Variants in TRPM3 observed in about 807,000 individuals in gnomAD.
The protein encoded by TRPM3 is transient receptor potential cation channel subfamily M member 3, also known as long transient receptor potential channel 3.
In TRPM3, 77 loss-of-function variants were observed where a neutral mutation model predicts 181.2. The observed-to-expected ratio is 0.42, with a 90% confidence interval of 0.35 to 0.51. The LOEUF (loss-of-function observed/expected upper bound fraction) is 0.51, where lower values mean the gene tolerates loss of function less well. Among genes scored for constraint, TRPM3 ranks in the 20% least tolerant of loss-of-function variants. The probability of loss-of-function intolerance (pLI) is 0.01; values close to 1 mark genes in which losing one functional copy is unlikely to be tolerated. For synonymous variants in TRPM3, 745 were observed against 796.4 expected, an observed-to-expected ratio of 0.94 and a Z score of 1.09; for missense variants, 1,759 against 2,196.7, an observed-to-expected ratio of 0.80 and a Z score of 3.98.
At chr9:71,051,098 C>T (rs1214220410) in intron 1 of TRPM3, among the ~76,000 whole-genome samples, 1 of 152,166 alleles carries the variant, frequency 6.6e-6, no homozygotes, top group East Asian at 1.9e-4. Context: ...CTGGGCTAAA[C>T]ACTGGGTTTC....
At chr9:71,184,824 G>A (rs2077586783) in intron 1 of TRPM3, among the ~76,000 whole-genome samples, 1 of 152,072 alleles carries the variant, frequency 6.6e-6, no homozygotes, top group Admixed American at 6.6e-5. Flanking sequence ...TTAATTTCAT[G>A]TGTTGCTTAG....
At chr9:71,381,697 A>T (rs975882628) in intron 1 of TRPM3, among the ~76,000 whole-genome samples, 1 of 152,148 alleles carries the variant, frequency 6.6e-6, no homozygotes, top group African/African-American at 2.4e-5. Flanking sequence ...AGGCTCAGAG[A>T]AGTTAAATGT....
Position 71,227,375 on chromosome 9 carries a change from G to GT in TRPM3, c.183+219277dup, listed in dbSNP as rs530305943. 3.5e-3 allele frequency among the ~76,000 whole-genome samples: 529 copies of GT among 151,994 alleles called. 3 individuals carry two copies. Among genetic ancestry groups the GT allele is most frequent in the African/African-American group, 0.012 (495 of 41,498 alleles). ...AAAACTAAGAGGAAAGTTTATAGCT[G>GT]TAAGTCCCTACACTGAAAAATAAGA... On this transcript the variant is annotated intron_variant, in intron 1 of 24. Transcript: ENST00000357533.
chr9:70,620,278 G>C lies in TRPM3; in HGVS notation c.1927C>G (p.His643Asp). The change falls in exon 16 of 26, where the codon CAC becomes GAC. Residue 643 changes from histidine (H) to aspartate (D), a missense_variant. Physicochemically the swap from His to Asp is moderately conservative, Grantham distance 81. Coordinates refer to ENST00000677713, the MANE Select transcript of TRPM3 (RefSeq NM_001366145.2). ...DIDLDDPEIN[H>D]FPFPFHELMV... ...AGCTCATGGAAAGGGAAGGGGAAGTGGTTGATCTCAGGATCATCCAAGTCA... is the reference window on the plus strand; with the variant it reads ...AGCTCATGGAAAGGGAAGGGGAAGTCGTTGATCTCAGGATCATCCAAGTCA... 1 of 1,614,212 alleles carries C rather than the reference G, an allele frequency of 6.2e-7. No homozygotes were observed. The highest frequency in any genetic ancestry group is 8.5e-7 in the Non-Finnish European group (1 of 1,180,038).
intron 1 of TRPM3, among the ~76,000 whole-genome samples, chr9:70,954,575 C>T (rs1303599616): frequency 6.6e-6 from 1 of 152,052 alleles, no homozygotes; most frequent in Non-Finnish European, 1.5e-5. Flanking sequence ...ATCGATAGTG[C>T]AACCCCTAAT....
chr9:71,201,413 G>A, intron 1 of TRPM3, among the ~76,000 whole-genome samples: 1 of 152,122 alleles, frequency 6.6e-6, no homozygotes. Flanking sequence ...GAATCTGAAT[G>A]TTGGCCTACC....
chr9:70,928,094 A>G (rs2096739436), intron 1 of TRPM3, among the ~76,000 whole-genome samples: 1 of 152,196 alleles, frequency 6.6e-6, no homozygotes, highest in African/African-American at 2.4e-5. Context: ...GTAATAGGGA[A>G]AAATGAAAGG....
intron 1 of TRPM3, among the ~76,000 whole-genome samples, chr9:71,385,416 T>G (rs1012960738): frequency 3.3e-5 from 5 of 152,208 alleles, no homozygotes; most frequent in Non-Finnish European, 7.3e-5. Context: ...TAAACTGGCT[T>G]GAGACATCTT....
At chr9:71,199,943 T>C (rs1025191346) in intron 1 of TRPM3, among the ~76,000 whole-genome samples, 3 of 152,224 alleles carry the variant, frequency 2.0e-5, no homozygotes, top group African/African-American at 7.2e-5. Flanking sequence ...CTTGCTTTTC[T>C]AGTTCTTTTA....
chr9:70,665,072 G>A (rs1167134776), intron 9 of TRPM3, among the ~76,000 whole-genome samples: 1 of 152,146 alleles, frequency 6.6e-6, no homozygotes, highest in Non-Finnish European at 1.5e-5. Flanking sequence ...ACAGGTCAGG[G>A]CTGGCTGACA....
chr9:71,420,519 AAGAG>A (rs992286864), intron 1 of TRPM3, among the ~76,000 whole-genome samples: 3 of 151,568 alleles, frequency 2.0e-5, no homozygotes, highest in African/African-American at 4.8e-5. Flanking sequence ...AAGAAAGAAA[AAGAG>A]AAAGAGAAAG....
chr9:71,063,107 C>T (rs1382841734), intron 1 of TRPM3, among the ~76,000 whole-genome samples: 3 of 152,086 alleles, frequency 2.0e-5, no homozygotes, highest in Non-Finnish European at 4.4e-5. Flanking sequence ...TATCTCCTAT[C>T]TCTAGAATCC....
intron 6 of TRPM3, among the ~76,000 whole-genome samples, chr9:70,814,552 T>G: frequency 6.6e-6 from 1 of 152,214 alleles, no homozygotes; most frequent in East Asian, 1.9e-4. Context: ...AATGTAAGCA[T>G]CAAATGTATT....
At chr9:71,373,869 A>C (rs1032593913) in intron 1 of TRPM3, among the ~76,000 whole-genome samples, 2 of 152,216 alleles carry the variant, frequency 1.3e-5, no homozygotes, top group Non-Finnish European at 2.9e-5. Flanking sequence ...TTGATGCAAA[A>C]ATCCCCACTA....
chr9:71,413,014 C>A lies in TRPM3; in HGVS notation c.183+33639G>T, dbSNP rs554090190. Reference sequence around the variant, plus strand: ...ATCACAAGGACAGAAAACCAAACACCGCATGTTCTCACTCATAGGTGGGAA... The same window carrying A: ...ATCACAAGGACAGAAAACCAAACACAGCATGTTCTCACTCATAGGTGGGAA... On this transcript the variant is annotated intron_variant, in intron 1 of 24. Coordinates refer to the TRPM3 transcript ENST00000357533. 1.2e-4 allele frequency among the ~76,000 whole-genome samples: 18 copies of A among 152,184 alleles called. No individual in the cohort carries two copies. In the South Asian group the frequency reaches 3.5e-3, roughly 30 times the overall value.
intron 1 of TRPM3, among the ~76,000 whole-genome samples, chr9:70,929,942 T>C (rs2096759298): frequency 6.6e-6 from 1 of 152,222 alleles, no homozygotes; most frequent in Non-Finnish European, 1.5e-5. Flanking sequence ...AACCAGTGGA[T>C]GTACATAATA....
chr9:71,230,138 T>TAAA (rs927736372), intron 1 of TRPM3, among the ~76,000 whole-genome samples: 141 of 152,232 alleles, frequency 9.3e-4, no homozygotes, highest in African/African-American at 3.2e-3. Flanking sequence ...AATATGCCAT[T>TAAA]AAAATGAGAT....
chr9:70,581,505 C>T (rs898996775), intron 22 of TRPM3, among the ~76,000 whole-genome samples: 2 of 152,240 alleles, frequency 1.3e-5, no homozygotes, highest in Non-Finnish European at 2.9e-5. Context: ...GACTCTGTCA[C>T]ATCTGAGGAA....
chr9:70,536,721 G>A lies in TRPM3; in HGVS notation c.4392C>T (p.Asp1464=), dbSNP rs755108413. Residue 1464 remains aspartate, a synonymous_variant, in exon 26 of 26, where the codon GAC becomes GAT. Transcript: ENST00000677713. ...SSAYATLAPT[D]RPPSRSIDFE... is the part of the protein sequence containing the mutation. ...AATCAATGCTCCGGCTTGGAGGTCTGTCTGTGGGTGCAAGTGTTGCATAGG... is the reference window on the plus strand; with the variant it reads ...AATCAATGCTCCGGCTTGGAGGTCTATCTGTGGGTGCAAGTGTTGCATAGG... 10 of 1,614,186 alleles carry A rather than the reference G, an allele frequency of 6.2e-6. No individual in the cohort carries two copies. The highest frequency in any genetic ancestry group is 7.6e-6 in the Non-Finnish European group (9 of 1,180,046).
Sources: gnomAD v4.1 joint callset for allele counts (sites outside exome capture counted in the v4.1 genomes callset) on GRCh38, gnomAD v4.1.1 for gene constraint, MANE v1.5 for transcripts, NCBI Gene and HGNC (gene_info 2026-07-23, HGNC 2026-07-21) for gene names.